CTNNA3: variants seen among roughly 807,000 people sequenced by gnomAD.
The protein encoded by CTNNA3 is catenin alpha 3.
Under a neutral mutation model 95.7 loss-of-function variants are expected in CTNNA3, and 76 were observed. That is an observed-to-expected ratio of 0.79 (90% CI 0.66 to 0.96). CTNNA3 has a LOEUF of 0.96. Among genes scored for constraint, CTNNA3 ranks in the 40% least tolerant of loss-of-function variants. The pLI is 0.00. For missense variants in CTNNA3, 1,191 were observed against 1,089.8 expected (o/e 1.09, Z -1.31); for synonymous variants, 431 against 374.4 (o/e 1.15, Z -1.74).
intron 5 of CTNNA3, among the ~76,000 whole-genome samples, chr10:67,412,467 A>G (rs1412966572): frequency 6.6e-6 from 1 of 152,142 alleles, no homozygotes; most frequent in Non-Finnish European, 1.5e-5. Flanking sequence ...CTCTAGTGTC[A>G]CTACAGACAT....
chr10:66,441,223 T>G (rs1589254198), intron 11 of CTNNA3, among the ~76,000 whole-genome samples: 1 of 134,952 alleles, frequency 7.4e-6, no homozygotes, highest in South Asian at 3.0e-4. Context: ...AATGGTTGCT[T>G]TTCTGATGGT....
intron 15 of CTNNA3, among the ~76,000 whole-genome samples, chr10:66,048,972 CAA>C (rs35141230): frequency 1.3e-5 from 2 of 151,248 alleles, no homozygotes; most frequent in East Asian, 1.9e-4. Context: ...TTCTACACAG[CAA>C]AAAAAAACTC....
rs566576260 is a variant in CTNNA3, at chr10:66,762,909, T to C, written c.1281+3355A>G. On this transcript the variant is annotated intron_variant, in intron 9 of 17. Coordinates refer to ENST00000433211, the MANE Select transcript of CTNNA3 (RefSeq NM_013266.4). ...CTTACTTCAACATGTTCACTGATTT[T>C]AGATTTCTCTGACAAACATGGTTGA... Among the ~76,000 whole-genome samples the C allele has an allele frequency of 4.6e-5, 7 of 152,218 alleles. No homozygotes were observed. The East Asian group carries it at 9.7e-4, about 21-fold the overall frequency.
At chr10:66,611,220 C>G (rs1056489750) in intron 10 of CTNNA3, among the ~76,000 whole-genome samples, 1 of 151,944 alleles carries the variant, frequency 6.6e-6, no homozygotes, top group African/African-American at 2.4e-5. Context: ...TTAGATAGTA[C>G]AGTAGGAAAA....
At chr10:66,537,878 G>A (rs1459881320) in intron 10 of CTNNA3, among the ~76,000 whole-genome samples, 1 of 151,808 alleles carries the variant, frequency 6.6e-6, no homozygotes. Context: ...GAAAAAAAAA[G>A]ATCTCCATAG....
chr10:67,461,214 G>A (rs955759851), intron 5 of CTNNA3, among the ~76,000 whole-genome samples: 20 of 152,242 alleles, frequency 1.3e-4, no homozygotes, highest in African/African-American at 4.6e-4. Flanking sequence ...TATCCCAAGA[G>A]GACATTGAGA....
chr10:67,031,962 C>T (rs144055513), intron 7 of CTNNA3, among the ~76,000 whole-genome samples: 1 of 152,264 alleles, frequency 6.6e-6, no homozygotes, highest in East Asian at 1.9e-4. Context: ...TTTTTAATCT[C>T]AGAATTCTAG....
At chr10:66,622,495 C>G (rs530369971) in intron 9 of CTNNA3, among the ~76,000 whole-genome samples, 1 of 152,188 alleles carries the variant, frequency 6.6e-6, no homozygotes, top group African/African-American at 2.4e-5. Context: ...TTCTTCAGAC[C>G]ATGAAAGAGC....
At chr10:67,494,131 G>T (rs10762170) in intron 5 of CTNNA3, among the ~76,000 whole-genome samples, 1 of 151,930 alleles carries the variant, frequency 6.6e-6, no homozygotes, top group Non-Finnish European at 1.5e-5. Flanking sequence ...CTGAAACCCA[G>T]CTATCCAAAC....
intron 10 of CTNNA3, among the ~76,000 whole-genome samples, chr10:66,571,794 T>C (rs1842873943): frequency 6.6e-6 from 1 of 152,114 alleles, no homozygotes; most frequent in Non-Finnish European, 1.5e-5. Context: ...AACAACCTTG[T>C]TATGCAGTTA....
intron 5 of CTNNA3, among the ~76,000 whole-genome samples, chr10:67,497,162 T>C (rs1332161533): frequency 1.3e-5 from 2 of 152,152 alleles, no homozygotes; most frequent in Non-Finnish European, 2.9e-5. Context: ...AATTCCTACT[T>C]AGGAGTGACA....
chr10:66,859,014 C>T (rs1399684907), intron 7 of CTNNA3, among the ~76,000 whole-genome samples: 2 of 151,932 alleles, frequency 1.3e-5, no homozygotes, highest in Non-Finnish European at 2.9e-5. Context: ...TTTCATGTTT[C>T]AATAGTCCTA....
chr10:65,979,477 C>A (rs1437237999), intron 16 of CTNNA3, among the ~76,000 whole-genome samples: 1 of 151,972 alleles, frequency 6.6e-6, no homozygotes, highest in Non-Finnish European at 1.5e-5. Flanking sequence ...TTATCCTGTA[C>A]ATAAAATAAG....
chr10:67,544,534 A>G (rs1840781818), intron 3 of CTNNA3, among the ~76,000 whole-genome samples: 1 of 152,192 alleles, frequency 6.6e-6, no homozygotes. Flanking sequence ...AGAATGATAA[A>G]GGGAAGAGAT....
chr10:66,051,293 C>A (rs754074959), intron 15 of CTNNA3, among the ~76,000 whole-genome samples: 2 of 152,200 alleles, frequency 1.3e-5, no homozygotes, highest in Non-Finnish European at 2.9e-5. Context: ...GTGTATAATA[C>A]ATGATCATGA....
chr10:65,963,000 A>C (rs1242849016), intron 17 of CTNNA3, among the ~76,000 whole-genome samples: 1 of 152,158 alleles, frequency 6.6e-6, no homozygotes, highest in Non-Finnish European at 1.5e-5. Context: ...TATTGTGACT[A>C]GTGCTGCAAT....
intron 5 of CTNNA3, among the ~76,000 whole-genome samples, chr10:67,420,181 A>G (rs1390307702): frequency 1.3e-5 from 2 of 152,218 alleles, no homozygotes; most frequent in African/African-American, 4.8e-5. Flanking sequence ...TTACTAATGA[A>G]AAAAACATTT....
At chr10:67,121,618 G>A (rs934191187) in intron 7 of CTNNA3, among the ~76,000 whole-genome samples, 8 of 151,936 alleles carry the variant, frequency 5.3e-5, no homozygotes, top group Non-Finnish European at 1.0e-4. Flanking sequence ...TCAGTGCCCC[G>A]CAGTGCTGGC....
intron 11 of CTNNA3, among the ~76,000 whole-genome samples, chr10:66,390,639 C>G (rs1469218203): frequency 6.6e-6 from 1 of 151,980 alleles, no homozygotes; most frequent in African/African-American, 2.4e-5. Flanking sequence ...CAAATAAAAA[C>G]AAGAATACAG....
Sources: allele counts gnomAD v4.1 joint callset (sites outside exome capture counted in the v4.1 genomes callset), GRCh38; gene constraint gnomAD v4.1.1; transcripts MANE v1.5; gene names NCBI Gene and HGNC (gene_info 2026-07-23, HGNC 2026-07-21).